Variants in EEFSEC observed in about 807,000 individuals in gnomAD.
EEFSEC encodes selenocysteine-specific elongation factor.
EEFSEC carries 43 observed loss-of-function variants against 42.1 expected under a neutral mutation model. That is an observed-to-expected ratio of 1.02 (90% CI 0.80 to 1.32). The LOEUF (loss-of-function observed/expected upper bound fraction) is 1.32. EEFSEC is among the 40% of genes most tolerant of loss of function. EEFSEC has a pLI of 0.00. For missense variants in EEFSEC, 745 were observed against 803.6 expected, an observed-to-expected ratio of 0.93 and a Z score of 0.88; for synonymous variants, 354 against 339.1, an observed-to-expected ratio of 1.04 and a Z score of -0.48.
downstream of EEFSEC, among the ~76,000 whole-genome samples, chr3:128,410,717 C>T (rs1172855111): frequency 4.6e-5 from 7 of 152,176 alleles, no homozygotes; most frequent in East Asian, 5.8e-4. Context: ...ACATTACCTG[C>T]GGCCCTAGGG....
intron 1 of EEFSEC, among the ~76,000 whole-genome samples, chr3:128,167,787 A>G (rs962320645): frequency 1.3e-5 from 2 of 152,224 alleles, no homozygotes; most frequent in Admixed American, 6.5e-5. Context: ...TTTAAAAGCT[A>G]TAACATAGAT....
At chr3:128,193,065 G>T (rs751546921) in intron 1 of EEFSEC, among the ~76,000 whole-genome samples, 7 of 152,128 alleles carry the variant, frequency 4.6e-5, no homozygotes, top group Non-Finnish European at 8.8e-5. Context: ...GGGTTAAATG[G>T]GACGGCTTGC....
intron 1 of EEFSEC, among the ~76,000 whole-genome samples, chr3:128,195,256 C>A (rs1291585239): frequency 6.6e-6 from 1 of 152,158 alleles, no homozygotes; most frequent in Non-Finnish European, 1.5e-5. Context: ...AATATTAAAG[C>A]ATTTAAAATA....
intron 4 of EEFSEC, among the ~76,000 whole-genome samples, chr3:128,293,678 A>ACG (rs59638404): frequency 7.2e-6 from 1 of 138,776 alleles, no homozygotes; most frequent in Admixed American, 7.2e-5. Context: ...AAAAAAAAAA[A>ACG]AAAAAAAAAC....
intron 1 of EEFSEC, 140 bp downstream of exon 1, chr3:128,153,963 G>A: frequency 2.4e-6 from 3 of 1,268,102 alleles, no homozygotes; most frequent in South Asian, 1.7e-5. Context: ...CCCAAGAGGC[G>A]GACGTGACTT....
At chr3:128,257,966 G>T (rs181071553) in intron 2 of EEFSEC, among the ~76,000 whole-genome samples, 7 of 152,318 alleles carry the variant, frequency 4.6e-5, no homozygotes, top group Non-Finnish European at 1.0e-4. Context: ...CCTTTTATTT[G>T]TGGAATGTGG....
intron 4 of EEFSEC, among the ~76,000 whole-genome samples, chr3:128,320,284 C>T (rs2066992864): frequency 6.6e-6 from 1 of 152,214 alleles, no homozygotes. Flanking sequence ...CACAGCTTAT[C>T]TCTTTTACTT....
intron 4 of EEFSEC, among the ~76,000 whole-genome samples, chr3:128,265,950 A>G (rs1038503249): frequency 3.3e-5 from 5 of 152,220 alleles, no homozygotes; most frequent in African/African-American, 1.2e-4. Context: ...ATAAATAGAT[A>G]CGTTTTTTAA....
chr3:128,406,544 G>A (rs952472691), intron 6 of EEFSEC, among the ~76,000 whole-genome samples: 2 of 152,214 alleles, frequency 1.3e-5, no homozygotes, highest in Non-Finnish European at 2.9e-5. Flanking sequence ...ATAAGTATGT[G>A]AGGTGATGAA....
At chr3:128,307,581 G>A (rs968402335) in intron 4 of EEFSEC, among the ~76,000 whole-genome samples, 6 of 152,198 alleles carry the variant, frequency 3.9e-5, no homozygotes, top group Non-Finnish European at 2.9e-5. Flanking sequence ...GTTCCAGTAG[G>A]GGTTCAGCGA....
chr3:128,362,817 C>G (rs1397149201), intron 6 of EEFSEC, among the ~76,000 whole-genome samples: 1 of 152,222 alleles, frequency 6.6e-6, no homozygotes, highest in Admixed American at 6.5e-5. Context: ...GCGGGTGCTG[C>G]TCACGTGCCG....
chr3:128,262,146 T>G lies in EEFSEC; in HGVS notation c.543T>G (p.Ile181Met). 6.2e-7 allele frequency: 1 copy of G among 1,614,150 alleles called. No homozygotes were observed. The highest frequency in any genetic ancestry group is 1.1e-5 in the South Asian group (1 of 91,082). ...LENTKFRGAP[I>M]IPVAAKPGGP... ...ATTTCAGGTTCCGAGGTGCACCGAT[T>G]ATACCCGTGGCGGCCAAGCCGGGGG... The change falls in exon 3 of 7, where the codon ATT becomes ATG. Residue 181 changes from isoleucine to methionine, a missense_variant. Transcript: ENST00000254730.
chr3:128,246,230 GCACACACACA>G, intron 1 of EEFSEC, among the ~76,000 whole-genome samples: 1 of 149,714 alleles, frequency 6.7e-6, no homozygotes, highest in Non-Finnish European at 1.5e-5. Context: ...AAGCGTGCAC[GCACACACACA>G]CACACACACA....
At chr3:128,415,930 G>A in the EEFSEC span, among the ~76,000 whole-genome samples, 6 of 152,232 alleles carry the variant, frequency 3.9e-5, no homozygotes, top group Admixed American at 6.5e-5. Context: ...CCTTTGGGGG[G>A]AAGTGGCTGC....
rs1196432309 is a variant in EEFSEC at position 128,341,886 on chromosome 3, G to A, written c.1440G>A (p.Glu480=). ...TGAAGCACAAGCATGGCCTTGTGGA[G>A]CGGGTGAGCATGCCCTTGCCTGGCC... The part of the protein sequence containing the change: ...YKLKHKHGLV[E]RAMDDYSVIG... The change falls in exon 5 of 7, where the codon GAG becomes GAA. Residue 480 remains glutamate (E), a synonymous_variant. Transcript: ENST00000254730. The A allele has an allele frequency of 6.2e-7, 1 of 1,611,934 alleles. No individual in the cohort carries two copies.
At chr3:128,353,008 G>A (rs1469652158) in intron 5 of EEFSEC, among the ~76,000 whole-genome samples, 1 of 152,176 alleles carries the variant, frequency 6.6e-6, no homozygotes, top group Non-Finnish European at 1.5e-5. Flanking sequence ...ATGGAGACCT[G>A]TACAGTAAAT....
At chr3:128,154,970 A>G (rs1487567540) in intron 1 of EEFSEC, among the ~76,000 whole-genome samples, 3 of 152,218 alleles carry the variant, frequency 2.0e-5, no homozygotes, top group African/African-American at 7.2e-5. Flanking sequence ...TTAATTTTTA[A>G]TTATACATGT....
intron 4 of EEFSEC, among the ~76,000 whole-genome samples, chr3:128,326,929 A>G (rs942198616): frequency 2.0e-5 from 3 of 152,128 alleles, no homozygotes; most frequent in South Asian, 2.1e-4. Context: ...CCCTTGTTCT[A>G]TGCGCTGTGC....
At chr3:128,353,957 A>G (rs2067420528) in intron 5 of EEFSEC, among the ~76,000 whole-genome samples, 1 of 151,978 alleles carries the variant, frequency 6.6e-6, no homozygotes, top group African/African-American at 2.4e-5. Context: ...AAGGATTGGG[A>G]GAGTTGGAGG....
Sources: allele counts gnomAD v4.1 joint callset (sites outside exome capture counted in the v4.1 genomes callset), GRCh38; gene constraint gnomAD v4.1.1; transcripts MANE v1.5; gene names NCBI Gene and HGNC (gene_info 2026-07-23, HGNC 2026-07-21).